The following CNTN1 variants were observed in gnomAD, a reference collection of about 807,000 sequenced individuals.
CNTN1 encodes the protein contactin-1.
In CNTN1, 38 loss-of-function variants were observed where a neutral mutation model predicts 126.4. That is an observed-to-expected ratio of 0.30 (90% CI 0.23 to 0.39). CNTN1 has a LOEUF of 0.39. CNTN1 is among the 10% of genes least tolerant of loss of function. CNTN1 has a pLI of 1.00. For synonymous variants in CNTN1, 413 were observed against 422.6 expected (o/e 0.98, Z 0.28); for missense variants, 1,009 against 1,248.4 (o/e 0.81, Z 2.89).
chr12:40,941,301 A>T (rs1946256379), intron 12 of CNTN1, among the ~76,000 whole-genome samples: 2 of 152,166 alleles, frequency 1.3e-5, no homozygotes, highest in Admixed American at 6.5e-5. Context: ...ATATGCAAAT[A>T]TATTTGAATT....
At chr12:40,852,535 T>A (rs1942759025) in intron 1 of CNTN1, among the ~76,000 whole-genome samples, 1 of 152,128 alleles carries the variant, frequency 6.6e-6, no homozygotes, top group African/African-American at 2.4e-5. Flanking sequence ...TGCTGCCTTT[T>A]TTTTTTAGTG....
intron 23 of CNTN1, among the ~76,000 whole-genome samples, chr12:41,067,257 A>T (rs1950065059): frequency 6.6e-6 from 1 of 152,156 alleles, no homozygotes; most frequent in Admixed American, 6.5e-5. Flanking sequence ...AAATATCCTG[A>T]TGTCAAAGCC....
intron 1 of CNTN1, among the ~76,000 whole-genome samples, chr12:40,766,625 C>T (rs1939109945): frequency 6.6e-6 from 1 of 151,946 alleles, no homozygotes; most frequent in African/African-American, 2.4e-5. Context: ...TCTGATGCAC[C>T]CCAATAGGGT....
At chr12:40,719,221 CT>C (rs1942128801) in intron 1 of CNTN1, among the ~76,000 whole-genome samples, 1 of 152,024 alleles carries the variant, frequency 6.6e-6, no homozygotes, top group South Asian at 2.1e-4. Context: ...TATGGATATT[CT>C]TTTTTTATAA....
intron 1 of CNTN1, among the ~76,000 whole-genome samples, chr12:40,801,765 A>G (rs969704031): frequency 9.2e-5 from 14 of 151,814 alleles, no homozygotes; most frequent in African/African-American, 3.4e-4. Context: ...GTAGTGGGAA[A>G]ACACATTTTG....
At chr12:40,694,220 G>T (rs1044140220) in intron 1 of CNTN1, among the ~76,000 whole-genome samples, 4 of 152,206 alleles carry the variant, frequency 2.6e-5, no homozygotes, top group Non-Finnish European at 5.9e-5. Context: ...GAACCCTTGC[G>T]GGGGTAGATG....
chr12:41,025,115 C>T, intron 20 of CNTN1, 35 bp from the exon 21 acceptor site: 1 of 1,609,624 alleles, frequency 6.2e-7, no homozygotes, highest in Admixed American at 1.7e-5. Flanking sequence ...GACTCTAAAT[C>T]ATGGCAAAAT....
chr12:40,790,379 T>C (rs573965102), intron 1 of CNTN1, among the ~76,000 whole-genome samples: 1 of 152,252 alleles, frequency 6.6e-6, no homozygotes, highest in African/African-American at 2.4e-5. Context: ...ACCTTTATGA[T>C]ATGATCACTT....
chr12:40,980,826 G>T, intron 15 of CNTN1, 83 bp from the exon 16 acceptor site: 2 of 1,275,660 alleles, frequency 1.6e-6, no homozygotes, highest in Non-Finnish European at 2.3e-6. Flanking sequence ...TAGATTAATG[G>T]TTAGAAGACA....
rs187153976 is a variant in CNTN1 at position 40,879,110 on chromosome 12, C to T, written c.-76-29247C>T. On this transcript the variant is annotated intron_variant, in intron 1 of 23. Transcript: ENST00000551295. The stretch of plus-strand genomic sequence containing the variant: ...AACAGGCTGTGCCTTGGAGTTGGCT[C>T]ATGTGCAAGAACTAAATCAATGTCA... 1.3e-4 allele frequency among the ~76,000 whole-genome samples: 20 copies of T among 152,226 alleles called. No homozygotes were observed. In the East Asian group the frequency reaches 3.9e-3, roughly 29 times the overall value.
rs1254998182 is a variant in CNTN1 at position 41,072,272 on chromosome 12, T to G, written c.*2237T>G. ...TTCAGGAAAGGTGATAGTAGTTTTA[T>G]TTGATACTGATAAATATTGAATTGA... On this transcript the variant is annotated 3_prime_UTR_variant, in exon 24 of 24. Transcript: ENST00000551295. 2 of 152,230 alleles carry G rather than the reference T, an allele frequency of 1.3e-5. No homozygotes were observed. The highest frequency in any genetic ancestry group is 4.8e-5 in the African/African-American group (2 of 41,462). The allele number at this position is 152,230 out of a possible 1,614,324, so 9.4% of individuals were successfully genotyped here. A position where few individuals can be genotyped will look rare whatever the true frequency, so the allele number is the denominator to read the frequency against.
At position 41,007,045 on chromosome 12, in the gene CNTN1, G is replaced by GTTTTT. The variant is rs71078294; in HGVS notation, c.2114-7155_2114-7151dup. ...TGGCAGTTAAAAGCAGTTTTGTGTG[G>GTTTTT]TTTTTTTTTTTTTTTTTTTTTTTTT... On this transcript the variant is annotated intron_variant, in intron 17 of 23. Transcript: ENST00000551295. Among the ~76,000 whole-genome samples, 42 of 69,242 alleles carry GTTTTT rather than the reference G, an allele frequency of 6.1e-4. 2 individuals carry two copies. Among genetic ancestry groups the GTTTTT allele is most frequent in the Non-Finnish European group, 7.6e-4 (30 of 39,704 alleles). The allele number at this position is 69,242 out of a possible 152,430, so 45.4% of individuals were successfully genotyped here. A position where few individuals can be genotyped will look rare whatever the true frequency, so the allele number is the denominator to read the frequency against.
intron 3 of CNTN1, among the ~76,000 whole-genome samples, chr12:40,914,104 G>A (rs1308248916): frequency 6.6e-6 from 1 of 151,992 alleles, no homozygotes; most frequent in African/African-American, 2.4e-5. Context: ...CTCTATCTGT[G>A]GTTTGTTTCT....
chr12:40,869,386 G>T (rs1266982411), intron 1 of CNTN1, among the ~76,000 whole-genome samples: 4 of 151,612 alleles, frequency 2.6e-5, no homozygotes, highest in Admixed American at 2.6e-4. Context: ...TCCCAACTCA[G>T]TCGCCAGAGT....
intron 1 of CNTN1, among the ~76,000 whole-genome samples, chr12:40,868,927 C>T (rs1314416240): frequency 3.3e-5 from 5 of 151,920 alleles, no homozygotes; most frequent in Admixed American, 2.0e-4. Context: ...CTCAGTTTTG[C>T]TTGAGTTACG....
intron 1 of CNTN1, among the ~76,000 whole-genome samples, chr12:40,879,294 C>T (rs1943792873): frequency 6.6e-6 from 1 of 152,162 alleles, no homozygotes; most frequent in South Asian, 2.1e-4. Context: ...TTATTTACTA[C>T]TTCTCCAAAG....
At position 40,707,064 on chromosome 12, in the gene CNTN1, A is replaced by G. The variant is rs1191110527; in HGVS notation, c.-77+14472A>G. 3.4e-3 allele frequency among the ~76,000 whole-genome samples: 502 copies of G among 147,094 alleles called. 2 individuals carry two copies. Among genetic ancestry groups the G allele is most frequent in the African/African-American group, 6.0e-3 (237 of 39,548 alleles). On this transcript the variant is annotated intron_variant, in intron 1 of 23. Transcript: ENST00000551295. ...CGCTTGCGCACACACACACACACAC[A>G]CACACACACACACACACACACACAC...
intron 17 of CNTN1, among the ~76,000 whole-genome samples, chr12:41,008,838 T>C (rs1180628957): frequency 1.3e-5 from 2 of 152,224 alleles, no homozygotes; most frequent in Admixed American, 1.3e-4. Context: ...ATCTCTTTCC[T>C]TTATAACCTT....
chr12:40,928,351 C>A (rs1463773344), intron 6 of CNTN1, among the ~76,000 whole-genome samples: 1 of 151,980 alleles, frequency 6.6e-6, no homozygotes, highest in African/African-American at 2.4e-5. Flanking sequence ...TACTTCTTTA[C>A]TTATCCCAGG....
Sources: allele counts gnomAD v4.1 joint callset (sites outside exome capture counted in the v4.1 genomes callset), GRCh38; gene constraint gnomAD v4.1.1; transcripts MANE v1.5; gene names NCBI Gene and HGNC (gene_info 2026-07-23, HGNC 2026-07-21).